The following CBFA2T2 variants were observed in gnomAD, a reference collection of about 807,000 sequenced individuals.
CBFA2T2 encodes CBFA2/RUNX1 partner transcriptional co-repressor 2, also known as protein CBFA2T2.
A neutral mutation model predicts 62.2 loss-of-function variants in CBFA2T2; 11 were observed. That is an observed-to-expected ratio of 0.18 (90% CI 0.11 to 0.29). CBFA2T2 has a LOEUF of 0.29. Ranked by LOEUF, CBFA2T2 falls within the 10% of genes least tolerant of loss-of-function variation. The pLI, the probability that CBFA2T2 is intolerant of heterozygous loss-of-function variation, is 1.00. For synonymous variants in CBFA2T2, 295 were observed against 287.5 expected, an observed-to-expected ratio of 1.03 and a Z score of -0.27; for missense variants, 592 against 774.1, an observed-to-expected ratio of 0.76 and a Z score of 2.79.
chr20:33,547,688 TGTGTG>T (rs1568812767), intron 1 of CBFA2T2, among the ~76,000 whole-genome samples: 1 of 11,866 alleles, frequency 8.4e-5, no homozygotes, highest in African/African-American at 8.8e-4. Context: ...CTCAAAAAAA[TGTGTG>T]TGTGTGTGTG....
At chr20:33,643,850 TGTGTGTGTGTA>T in intron 10 of CBFA2T2, among the ~76,000 whole-genome samples, 1 of 113,558 alleles carries the variant, frequency 8.8e-6, no homozygotes, top group African/African-American at 3.3e-5. Flanking sequence ...TGTGTGTGTG[TGTGTGTGTGTA>T]TATAATGTAT....
chr20:33,490,387 C>T, intron 1 of CBFA2T2, 86 bp downstream of exon 1: 12 of 1,186,448 alleles, frequency 1.0e-5, no homozygotes, highest in Non-Finnish European at 1.3e-5. Flanking sequence ...GTGCCCCGGG[C>T]GCGAGGCCGG....
At chr20:33,583,440 G>A (rs180988781) in intron 1 of CBFA2T2, among the ~76,000 whole-genome samples, 2 of 152,222 alleles carry the variant, frequency 1.3e-5, no homozygotes, top group East Asian at 3.8e-4. Flanking sequence ...TTGACTAATC[G>A]TTAACCTTAT....
chr20:33,527,458 T>C (rs1293698353), intron 1 of CBFA2T2, among the ~76,000 whole-genome samples: 1 of 149,222 alleles, frequency 6.7e-6, no homozygotes, highest in Non-Finnish European at 1.5e-5. Context: ...CTGCAACCAC[T>C]GCCTTCCGGG....
chr20:33,495,377 ACT>A (rs1181636263), intron 1 of CBFA2T2, among the ~76,000 whole-genome samples: 1 of 113,248 alleles, frequency 8.8e-6, no homozygotes, highest in African/African-American at 3.5e-5. Context: ...CAAGAGGGAA[ACT>A]CTATCTCAAA....
intron 2 of CBFA2T2, among the ~76,000 whole-genome samples, chr20:33,610,194 G>T (rs1215044786): frequency 2.6e-5 from 4 of 152,180 alleles, no homozygotes; most frequent in Non-Finnish European, 5.9e-5. Context: ...GGAGGCTGAG[G>T]TGGGAGGACA....
At chr20:33,523,568 GCAAA>G (rs1036180738) in intron 1 of CBFA2T2, among the ~76,000 whole-genome samples, 3 of 152,180 alleles carry the variant, frequency 2.0e-5, no homozygotes, top group African/African-American at 7.2e-5. Context: ...GATCCAATAA[GCAAA>G]CAAACGTGTA....
intron 1 of CBFA2T2, among the ~76,000 whole-genome samples, chr20:33,537,946 A>G (rs1014321020): frequency 3.9e-5 from 6 of 151,958 alleles, no homozygotes; most frequent in African/African-American, 1.4e-4. Flanking sequence ...TGTTTTAGGT[A>G]ATCTAGGTTC....
chr20:33,592,111 T>C (rs2014672745), intron 1 of CBFA2T2, among the ~76,000 whole-genome samples: 1 of 151,934 alleles, frequency 6.6e-6, no homozygotes, highest in Non-Finnish European at 1.5e-5. Context: ...GCCTGTTATC[T>C]CAGCACTTTG....
chr20:33,555,083 G>A (rs2012857461), intron 1 of CBFA2T2, among the ~76,000 whole-genome samples: 1 of 152,186 alleles, frequency 6.6e-6, no homozygotes, highest in Non-Finnish European at 1.5e-5. Flanking sequence ...CTGTAGCAAA[G>A]TAAAGGAATT....
At chr20:33,644,256 A>G in intron 10 of CBFA2T2, 91 bp from the exon 11 acceptor site, 1 of 1,445,404 alleles carries the variant, frequency 6.9e-7, no homozygotes, top group South Asian at 1.3e-5. Flanking sequence ...GGGGTTCTCT[A>G]CATACAGCCC....
At chr20:33,549,716 T>A (rs1236157462) in intron 1 of CBFA2T2, among the ~76,000 whole-genome samples, 2 of 152,210 alleles carry the variant, frequency 1.3e-5, no homozygotes, top group Non-Finnish European at 2.9e-5. Context: ...GCAAATTTTA[T>A]GGTCTGTATA....
intron 1 of CBFA2T2, among the ~76,000 whole-genome samples, chr20:33,568,107 A>G (rs533548191): frequency 6.6e-6 from 1 of 152,340 alleles, no homozygotes; most frequent in South Asian, 2.1e-4. Flanking sequence ...CTGTGTAACC[A>G]TAAGCTGATT....
At chr20:33,612,086 CAAAAT>C (rs1341677352) in intron 3 of CBFA2T2, among the ~76,000 whole-genome samples, 4 of 152,116 alleles carry the variant, frequency 2.6e-5, no homozygotes, top group South Asian at 4.1e-4. Flanking sequence ...TAAATACTAT[CAAAAT>C]AAACAGTATC....
intron 1 of CBFA2T2, among the ~76,000 whole-genome samples, chr20:33,507,699 A>G (rs964555188): frequency 6.6e-6 from 1 of 152,142 alleles, no homozygotes; most frequent in Non-Finnish European, 1.5e-5. Flanking sequence ...GTATGACTGC[A>G]CCATACTTTT....
intron 1 of CBFA2T2, among the ~76,000 whole-genome samples, chr20:33,553,697 G>A (rs1489768042): frequency 6.6e-6 from 1 of 152,150 alleles, no homozygotes; most frequent in Non-Finnish European, 1.5e-5. Context: ...TTACTAAAAC[G>A]CTAAGCAGGC....
chr20:33,538,918 A>G (rs1190583437), intron 1 of CBFA2T2, among the ~76,000 whole-genome samples: 1 of 151,540 alleles, frequency 6.6e-6, no homozygotes, highest in African/African-American at 2.4e-5. Context: ...TTCAGAAAAC[A>G]CTGGTTTCAT....
rs1380799262 is a variant in CBFA2T2 at position 33,577,903 on chromosome 20, A to G, written c.35-29053A>G. ...GTGTAATAAATATTTTGTTATTTCT[A>G]AATGAATATATGAAGATGGAGAGTA... On this transcript the variant is annotated intron_variant, in intron 1 of 10. Transcript: ENST00000342704. Among the ~76,000 whole-genome samples the G allele has an allele frequency of 2.6e-5, 4 of 152,246 alleles. 1 individual carries two copies. Among genetic ancestry groups the G allele is most frequent in the Admixed American group, 2.6e-4 (4 of 15,276 alleles).
At chr20:33,640,989 T>A (rs1327283121) in intron 10 of CBFA2T2, among the ~76,000 whole-genome samples, 2 of 151,898 alleles carry the variant, frequency 1.3e-5, no homozygotes, top group African/African-American at 2.4e-5. Context: ...CCTTTGGTGC[T>A]GAAGTCAGGA....
Sources: allele counts gnomAD v4.1 joint callset (sites outside exome capture counted in the v4.1 genomes callset), GRCh38; gene constraint gnomAD v4.1.1; transcripts MANE v1.5; gene names NCBI Gene and HGNC (gene_info 2026-07-23, HGNC 2026-07-21).